Variants in NBAS observed in about 807,000 individuals in gnomAD.
NBAS encodes NBAS subunit of NRZ tethering complex.
In NBAS, 219 loss-of-function variants were observed where a neutral mutation model predicts 302.5. That is an observed-to-expected ratio of 0.72 (90% CI 0.65 to 0.81). The LOEUF (loss-of-function observed/expected upper bound fraction) is 0.81, where lower values mean the gene tolerates loss of function less well. NBAS is among the 30% of genes least tolerant of loss of function. NBAS has a pLI of 0.00. For synonymous variants in NBAS, 1,118 were observed against 1,021.6 expected (o/e 1.09, Z -1.80); for missense variants, 2,932 against 2,841.6 (o/e 1.03, Z -0.72).
At chr2:15,530,258 C>T (rs1208311695) in intron 9 of NBAS, among the ~76,000 whole-genome samples, 1 of 151,978 alleles carries the variant, frequency 6.6e-6, no homozygotes, top group Non-Finnish European at 1.5e-5. Flanking sequence ...AATATTTAAC[C>T]CTCAAAACAC....
intron 48 of NBAS, among the ~76,000 whole-genome samples, chr2:15,215,229 A>G (rs896920387): frequency 3.9e-5 from 6 of 152,306 alleles, no homozygotes; most frequent in Middle Eastern, 3.4e-3. Context: ...AAACTGTTGA[A>G]AAATGAAGGC....
chr2:15,338,674 T>TACACATACACAC (rs1553375235), intron 35 of NBAS, among the ~76,000 whole-genome samples: 1 of 134,746 alleles, frequency 7.4e-6, no homozygotes, highest in African/African-American at 2.7e-5. Flanking sequence ...AACACACACA[T>TACACATACACAC]ACACACACAC....
chr2:15,040,453 G>A, the NBAS span, among the ~76,000 whole-genome samples: 3 of 152,124 alleles, frequency 2.0e-5, no homozygotes, highest in Admixed American at 6.5e-5. Context: ...GCCCAGGCAC[G>A]ACCACCTTGT....
intron 9 of NBAS, among the ~76,000 whole-genome samples, chr2:15,529,524 AG>A (rs1364137295): frequency 6.6e-5 from 10 of 152,114 alleles, no homozygotes; most frequent in African/African-American, 2.4e-4. Flanking sequence ...CAAAAAATCA[AG>A]CTGAACTAAA....
At chr2:14,916,969 C>A in the NBAS span, among the ~76,000 whole-genome samples, 2 of 152,184 alleles carry the variant, frequency 1.3e-5, no homozygotes, top group Non-Finnish European at 2.9e-5. Context: ...AACACGTGTG[C>A]TTTTTTAGGT....
At chr2:14,780,597 G>T in the NBAS span, among the ~76,000 whole-genome samples, 1 of 152,200 alleles carries the variant, frequency 6.6e-6, no homozygotes, top group African/African-American at 2.4e-5. Flanking sequence ...TGGAAGAATA[G>T]CTAGTTGTAC....
intron 43 of NBAS, 123 bp downstream of exon 43, chr2:15,276,728 G>T: frequency 7.1e-7 from 1 of 1,414,280 alleles, no homozygotes; most frequent in Non-Finnish European, 9.9e-7. Flanking sequence ...AAGTCGATTA[G>T]CTTCAAAATT....
the NBAS span, among the ~76,000 whole-genome samples, chr2:14,813,471 T>C: frequency 1.9e-4 from 29 of 152,314 alleles, no homozygotes; most frequent in African/African-American, 7.0e-4. Context: ...GGCAGCGTTG[T>C]GCCCCTGCTC....
intron 35 of NBAS, among the ~76,000 whole-genome samples, chr2:15,335,625 G>A (rs576325028): frequency 6.6e-6 from 1 of 152,104 alleles, no homozygotes; most frequent in Non-Finnish European, 1.5e-5. Context: ...ATTTGAACAC[G>A]TTCTTTTGTC....
chr2:15,304,281 TTGGGAAGAAAGTGCC>T (rs1209567976), intron 40 of NBAS, among the ~76,000 whole-genome samples: 1 of 148,658 alleles, frequency 6.7e-6, no homozygotes. Flanking sequence ...TCCTGCTGCC[TTGGGAAGAAAGTGCC>T]TTTCTTCCCC....
chr2:15,232,465 G>A lies in NBAS; in HGVS notation c.6193C>T (p.Leu2065=). ...TGGACTGCTGCAACAACACCTTCCA[G>A]GACCTTCAGTGGGTCCCTTGGCCCA... is the stretch of plus-strand genomic sequence containing the variant. The part of the protein sequence containing the change: ...LGGPRDPLKV[L]EGVVAAVHAS... Residue 2065 remains leucine (L), a synonymous_variant, in exon 47 of 52, where the codon CTG becomes TTG. Coordinates refer to ENST00000281513, the MANE Select transcript of NBAS (RefSeq NM_015909.4). 1 of 1,614,074 alleles carries A rather than the reference G, an allele frequency of 6.2e-7. No homozygotes were observed. Among genetic ancestry groups the A allele is most frequent in the East Asian group, 2.2e-5 (1 of 44,866 alleles).
At chr2:15,367,306 C>T (rs956136400) in intron 31 of NBAS, among the ~76,000 whole-genome samples, 10 of 152,054 alleles carry the variant, frequency 6.6e-5, no homozygotes, top group South Asian at 2.1e-4. Context: ...ACAAAGGGTA[C>T]TACGTATATT....
intron 28 of NBAS, chr2:15,393,719 G>A (rs1330613806): frequency 2.1e-6 from 1 of 470,460 alleles, no homozygotes; most frequent in East Asian, 7.0e-5. Context: ...CAGAGAAGTG[G>A]TAAACAGGCT....
At chr2:14,861,172 A>T in the NBAS span, among the ~76,000 whole-genome samples, 1 of 152,198 alleles carries the variant, frequency 6.6e-6, no homozygotes, top group Non-Finnish European at 1.5e-5. Flanking sequence ...ATGCACTTAC[A>T]ACTCTAATAC....
chr2:15,090,644 C>T, the NBAS span, among the ~76,000 whole-genome samples: 1 of 152,178 alleles, frequency 6.6e-6, no homozygotes, highest in Non-Finnish European at 1.5e-5. Context: ...CAGAGAGAAT[C>T]CACCTGAGGC....
Position 15,167,317 on chromosome 2 carries a change from C to A in NBAS, c.6847G>T (p.Asp2283Tyr). The A allele has an allele frequency of 6.2e-7, 1 of 1,614,200 alleles. No homozygotes were observed. The highest frequency in any genetic ancestry group is 1.1e-5 in the South Asian group (1 of 91,050). ...AGAAGTTCTTGGTCACAATTGGAATCATTCACCTTCAAGAAATAAGACAGG... is the reference window on the plus strand; with the variant it reads ...AGAAGTTCTTGGTCACAATTGGAATAATTCACCTTCAAGAAATAAGACAGG... ...EQITAVTTVNDSNCDQELLSL... is the reference protein window; with the variant it reads ...EQITAVTTVNYSNCDQELLSL... Residue 2283 changes from aspartate to tyrosine, a missense_variant, in exon 52 of 52, where the codon GAT (aspartate) becomes TAT (tyrosine). Transcript: ENST00000281513.
At chr2:15,554,989 C>T (rs1050009652) in intron 3 of NBAS, among the ~76,000 whole-genome samples, 8 of 151,418 alleles carry the variant, frequency 5.3e-5, no homozygotes, top group Admixed American at 3.9e-4. Context: ...GATTAATACC[C>T]GAAGAAATCA....
intron 38 of NBAS, among the ~76,000 whole-genome samples, chr2:15,315,554 A>T (rs1428861647): frequency 6.6e-6 from 1 of 152,230 alleles, no homozygotes; most frequent in Non-Finnish European, 1.5e-5. Context: ...TGGACAAGTT[A>T]TATATGCCTG....
intron 13 of NBAS, 83 bp downstream of exon 13, chr2:15,478,143 G>A: frequency 1.0e-6 from 1 of 997,810 alleles, no homozygotes; most frequent in South Asian, 1.4e-5. Flanking sequence ...AGTATCTAGA[G>A]ACTTTTTATA....
Sources: gnomAD v4.1 joint callset for allele counts (sites outside exome capture counted in the v4.1 genomes callset) on GRCh38, gnomAD v4.1.1 for gene constraint, MANE v1.5 for transcripts, NCBI Gene and HGNC (gene_info 2026-07-23, HGNC 2026-07-21) for gene names.